Variants in CDC42BPA observed in about 807,000 individuals in gnomAD.
CDC42BPA encodes serine/threonine-protein kinase MRCK alpha.
A neutral mutation model predicts 223.5 loss-of-function variants in CDC42BPA; 80 were observed. That is an observed-to-expected ratio of 0.36 (90% CI 0.30 to 0.43). The LOEUF (loss-of-function observed/expected upper bound fraction) is 0.43. CDC42BPA is among the 20% of genes least tolerant of loss of function. CDC42BPA has a pLI of 1.00. For missense variants in CDC42BPA, 1,743 were observed against 2,099.9 expected, an observed-to-expected ratio of 0.83 and a Z score of 3.32; for synonymous variants, 694 against 718.6, an observed-to-expected ratio of 0.97 and a Z score of 0.55.
At chr1:227,271,993 C>T (rs1020502145) in intron 1 of CDC42BPA, among the ~76,000 whole-genome samples, 21 of 152,038 alleles carry the variant, frequency 1.4e-4, no homozygotes, top group African/African-American at 4.3e-4. Flanking sequence ...TATTTCTATC[C>T]AGCTGGTAAG....
rs1687130069 is a variant in CDC42BPA at position 227,112,681 on chromosome 1, GCT to G, written c.1878_1879del (p.Arg626SerfsTer15). Reference sequence around the variant, plus strand: ...TGCCTGACTACTAACCTCTTTTTTGGCTCTTTCTGTTCTGCGCAGTTCTTGCC... The same window carrying G: ...TGCCTGACTACTAACCTCTTTTTTGGCTTTCTGTTCTGCGCAGTTCTTGCC... On this transcript the variant is annotated frameshift_variant, in exon 13 of 37. Transcript: ENST00000366766. LOFTEE classifies it high-confidence loss of function. The G allele has an allele frequency of 6.2e-7, 1 of 1,610,488 alleles. No homozygotes were observed. Among genetic ancestry groups the G allele is most frequent in the Non-Finnish European group, 8.5e-7 (1 of 1,178,990 alleles).
intron 34 of CDC42BPA, among the ~76,000 whole-genome samples, chr1:227,013,300 T>C (rs952610819): frequency 2.0e-5 from 3 of 152,152 alleles, no homozygotes; most frequent in African/African-American, 7.2e-5. Flanking sequence ...AGCAGTCTAA[T>C]GATTCTGTGG....
At chr1:227,110,954 G>T (rs763546614) in intron 14 of CDC42BPA, among the ~76,000 whole-genome samples, 2 of 152,158 alleles carry the variant, frequency 1.3e-5, no homozygotes, top group African/African-American at 2.4e-5. Flanking sequence ...AACTTAACAG[G>T]TTTATTAAAC....
At chr1:227,273,876 CAAAT>C (rs1182687191) in intron 1 of CDC42BPA, among the ~76,000 whole-genome samples, 1 of 134,030 alleles carries the variant, frequency 7.5e-6, no homozygotes, top group East Asian at 2.2e-4. Context: ...AAAAAAAACA[CAAAT>C]AACCCAAAGC....
rs1355205427 is a variant in CDC42BPA, at chr1:227,120,172, A to G, written c.1514-235T>C. 2.1e-5 allele frequency among the ~76,000 whole-genome samples: 3 copies of G among 143,788 alleles called. No individual in the cohort carries two copies. In the East Asian group the frequency reaches 5.9e-4, roughly 28 times the overall value. The allele number at this position is 143,788 out of a possible 152,430, so 94.3% of individuals were successfully genotyped here. A position where few individuals can be genotyped will look rare whatever the true frequency, so the allele number is the denominator to read the frequency against. On this transcript the variant is annotated intron_variant, in intron 11 of 36. Transcript: ENST00000366766. ...AACAATGCCTTACATACTCATTAGGAAAAAAAAAAAAAGCATGCTTCCAAA... is the reference window on the plus strand; with the variant it reads ...AACAATGCCTTACATACTCATTAGGGAAAAAAAAAAAAGCATGCTTCCAAA...
At position 227,318,302 on chromosome 1, in the gene CDC42BPA, GA is replaced by G; in HGVS notation, c.-1121del. The G allele has an allele frequency of 6.5e-6, 1 of 153,228 alleles. No homozygotes were observed. The highest frequency in any genetic ancestry group is 1.9e-4 in the East Asian group (1 of 5,158). 9.5% of individuals were successfully genotyped at this position (153,228 alleles called of 1,614,324 possible). On this transcript the variant is annotated 5_prime_UTR_variant, in exon 1 of 37. Coordinates refer to ENST00000366766, the MANE Select transcript of CDC42BPA (RefSeq NM_001394014.1). The stretch of plus-strand genomic sequence containing the variant: ...CGAGGAGGGAGGCGGCCCGGCGCAG[GA>G]GGAGGGGTCGCTTCCGCGGCTGAGG...
chr1:227,266,830 A>C (rs1395167049), intron 1 of CDC42BPA, among the ~76,000 whole-genome samples: 2 of 152,254 alleles, frequency 1.3e-5, no homozygotes, highest in Non-Finnish European at 2.9e-5. Flanking sequence ...TAAATGAGGA[A>C]ACAAAATAAT....
intron 2 of CDC42BPA, among the ~76,000 whole-genome samples, chr1:227,246,636 A>G (rs1681019598): frequency 6.6e-6 from 1 of 152,230 alleles, no homozygotes. Context: ...GACAATACCT[A>G]TATAAGACTG....
chr1:227,120,967 CA>C (rs1190379114), intron 11 of CDC42BPA, among the ~76,000 whole-genome samples: 1 of 152,160 alleles, frequency 6.6e-6, no homozygotes, highest in Non-Finnish European at 1.5e-5. Flanking sequence ...AGATCCCTCG[CA>C]TGAGCAGTTC....
At position 226,994,970 on chromosome 1, in the gene CDC42BPA, T is replaced by C. The variant is rs748603329; in HGVS notation, c.4986A>G (p.Ala1662=). The C allele has an allele frequency of 1.2e-6, 2 of 1,613,934 alleles. No individual in the cohort carries two copies. The highest frequency in any genetic ancestry group is 1.7e-6 in the Non-Finnish European group (2 of 1,179,914). Residue 1662 remains alanine, a synonymous_variant, in exon 36 of 37, where the codon GCA becomes GCG. Transcript: ENST00000366766. The surrounding 1 kb of genome is among the most constrained non-coding windows in gnomAD (Gnocchi z 4.0). ...CCCTCTTTAATGCGCTGCCATTCTG[T>C]GCGGATGACCCTACAGTACATCATG... ...ASSGLSARSS[A]QNGSALKREF... is the part of the protein sequence containing the mutation.
At chr1:227,049,136 A>G (rs1390084498) in intron 22 of CDC42BPA, among the ~76,000 whole-genome samples, 1 of 152,078 alleles carries the variant, frequency 6.6e-6, no homozygotes, top group African/African-American at 2.4e-5. Context: ...ATGAAAGATA[A>G]AAGAGAGGAA....
chr1:227,253,296 C>A (rs1682425515), intron 2 of CDC42BPA, among the ~76,000 whole-genome samples: 1 of 151,944 alleles, frequency 6.6e-6, no homozygotes, highest in African/African-American at 2.4e-5. Context: ...GCATGTGTAT[C>A]TTTACAAGTG....
chr1:227,023,187 A>T (rs11578479), intron 32 of CDC42BPA, 76 bp downstream of exon 32: 281,333 of 710,090 alleles, frequency 0.4, 59,603 homozygotes, highest in Non-Finnish European at 0.46. Flanking sequence ...ACTTATTATT[A>T]ATGTGACCTT....
At chr1:227,310,841 C>T (rs913361681) in intron 1 of CDC42BPA, among the ~76,000 whole-genome samples, 22 of 143,402 alleles carry the variant, frequency 1.5e-4, no homozygotes, top group Non-Finnish European at 6.1e-5. Context: ...CACCCGTCAC[C>T]GCGCCCGGCT....
intron 17 of CDC42BPA, among the ~76,000 whole-genome samples, chr1:227,076,008 GAACA>G (rs1273705951): frequency 6.6e-6 from 1 of 151,914 alleles, no homozygotes; most frequent in African/African-American, 2.4e-5. Context: ...ATTACATGTT[GAACA>G]CATTTATTTA....
chr1:227,292,786 A>G (rs1167245184), intron 1 of CDC42BPA, among the ~76,000 whole-genome samples: 2 of 152,208 alleles, frequency 1.3e-5, no homozygotes, highest in Non-Finnish European at 2.9e-5. Flanking sequence ...TAGACATTCA[A>G]TAATTTATTG....
chr1:227,312,082 A>G (rs923693556), intron 1 of CDC42BPA, among the ~76,000 whole-genome samples: 2 of 152,254 alleles, frequency 1.3e-5, no homozygotes, highest in African/African-American at 4.8e-5. Flanking sequence ...ACTACAGGAA[A>G]ACACAATGTT....
At chr1:227,221,669 A>G (rs1039469543) in intron 2 of CDC42BPA, among the ~76,000 whole-genome samples, 3 of 151,616 alleles carry the variant, frequency 2.0e-5, no homozygotes, top group African/African-American at 7.3e-5. Context: ...CACAAAGCTG[A>G]ATAAAAAGTT....
At chr1:227,166,260 G>A (rs796798247) in intron 5 of CDC42BPA, among the ~76,000 whole-genome samples, 5 of 152,218 alleles carry the variant, frequency 3.3e-5, no homozygotes, top group African/African-American at 9.6e-5. Flanking sequence ...CCTAACCTTC[G>A]AAATAACGAG....
Sources: gnomAD v4.1 joint callset for allele counts (sites outside exome capture counted in the v4.1 genomes callset) on GRCh38, gnomAD v4.1.1 for gene constraint, Gnocchi (gnomAD v3.1) non-coding constraint, MANE v1.5 for transcripts, NCBI Gene and HGNC (gene_info 2026-07-23, HGNC 2026-07-21) for gene names.